The following ACIN1 variants were observed in gnomAD, a reference collection of about 807,000 sequenced individuals.
ACIN1 encodes apoptotic chromatin condensation inducer 1.
Under a neutral mutation model 146.6 loss-of-function variants are expected in ACIN1, and 16 were observed. That is an observed-to-expected ratio of 0.11 (90% CI 0.07 to 0.17). The LOEUF (loss-of-function observed/expected upper bound fraction) is 0.17. ACIN1 is among the 10% of genes least tolerant of loss of function. The pLI is 1.00. For synonymous variants in ACIN1, 569 were observed against 582.7 expected (o/e 0.98, Z 0.34); for missense variants, 1,357 against 1,609.3 (o/e 0.84, Z 2.68).
chr14:23,061,208 G>C (rs1432486040), intron 17 of ACIN1, 24 bp from the exon 18 acceptor site: 4 of 1,613,956 alleles, frequency 2.5e-6, no homozygotes, highest in Non-Finnish European at 3.4e-6. Flanking sequence ...AAGTGAACCA[G>C]ATATGATGCA....
chr14:23,093,587 A>T (rs746668610), intron 1 of ACIN1, 43 bp from the exon 2 acceptor site: 2 of 1,533,958 alleles, frequency 1.3e-6, no homozygotes, highest in South Asian at 2.3e-5. Flanking sequence ...TGAGGAAAAA[A>T]AAGAAAAACA....
rs545966528 is a variant in ACIN1 at position 23,072,840 on chromosome 14, G to A, written c.2124-3223C>T. On this transcript the variant is annotated intron_variant, in intron 8 of 18. Coordinates refer to ENST00000605057, the MANE Select transcript of ACIN1 (RefSeq NM_001386863.1). The stretch of plus-strand genomic sequence containing the variant: ...CTGTCTGCTCAGGGTTAAGAGTGAA[G>A]ACTCTGGAGTCAGACTGGCTAGCCC... 2.4e-4 allele frequency among the ~76,000 whole-genome samples: 37 copies of A among 152,336 alleles called. No individual in the cohort carries two copies. In the South Asian group the frequency reaches 7.0e-3, roughly 29 times the overall value.
At chr14:23,083,963 T>C (rs943469235) in intron 4 of ACIN1, among the ~76,000 whole-genome samples, 1 of 151,940 alleles carries the variant, frequency 6.6e-6, no homozygotes, top group African/African-American at 2.4e-5. Context: ...TTTTTTTTTT[T>C]CTGAGAGAGA....
At chr14:23,078,644 A>T (rs998401990) in intron 7 of ACIN1, among the ~76,000 whole-genome samples, 176 bp downstream of exon 7, 4 of 152,208 alleles carry the variant, frequency 2.6e-5, no homozygotes, top group Non-Finnish European at 4.4e-5. Context: ...GCTCAGCCTC[A>T]TGTAGAACTT....
chr14:23,063,323 T>C, intron 13 of ACIN1, 113 bp downstream of exon 13: 5 of 1,368,528 alleles, frequency 3.7e-6, no homozygotes, highest in Non-Finnish European at 4.9e-6. Context: ...AGATATGATA[T>C]ACGAAAAAAT....
At chr14:23,077,424 T>A (rs199816153) in intron 8 of ACIN1, among the ~76,000 whole-genome samples, 1 of 152,200 alleles carries the variant, frequency 6.6e-6, no homozygotes, top group Non-Finnish European at 1.5e-5. Flanking sequence ...CCAGGAGACT[T>A]TGAAGCCAGG....
chr14:23,069,635 T>TGGGG lies in ACIN1; in HGVS notation c.2124-19_2124-18insCCCC. 1 of 298,362 alleles carries TGGGG rather than the reference T, an allele frequency of 3.4e-6. No homozygotes were observed. The highest frequency in any genetic ancestry group is 5.9e-6 in the Non-Finnish European group (1 of 168,348). 18.5% of individuals were successfully genotyped at this position (298,362 alleles called of 1,614,324 possible). A position where few individuals can be genotyped will look rare whatever the true frequency, so the allele number is the denominator to read the frequency against. ...TCTCCTCACTGACAGGAGGGGGGAG[T>TGGGG]GGTGGTGGGGGGGCGGGCAGAAAAG... On this transcript the variant is annotated intron_variant, in intron 8 of 18. Transcript: ENST00000605057.
chr14:23,089,561 T>C (rs903322259), intron 4 of ACIN1, among the ~76,000 whole-genome samples: 1 of 152,206 alleles, frequency 6.6e-6, no homozygotes, highest in African/African-American at 2.4e-5. Context: ...CTTTACTATA[T>C]TCCTCGTGCC....
chr14:23,071,539 A>G, intron 8 of ACIN1: 1 of 1,551,158 alleles, frequency 6.4e-7, no homozygotes, highest in Non-Finnish European at 8.7e-7. Context: ...TCAGCCGGAG[A>G]CATGCAGGGG....
In ACIN1 at chr14:23,095,127, T is replaced by G. The variant is rs1342728425; in HGVS notation, c.-15A>C. 1.9e-6 allele frequency: 3 copies of G among 1,614,254 alleles called. No homozygotes were observed. The highest frequency in any genetic ancestry group is 1.1e-5 in the South Asian group (1 of 91,086). Reference sequence around the variant, plus strand: ...AGCTCCGCCATCTTGCGTGAGGTACTCGGGTCCGTCCCGACGGCTTCGGGC... The same window carrying G: ...AGCTCCGCCATCTTGCGTGAGGTACGCGGGTCCGTCCCGACGGCTTCGGGC... On this transcript the variant is annotated 5_prime_UTR_variant, in exon 1 of 19. Transcript: ENST00000605057.
intron 8 of ACIN1, chr14:23,071,315 T>C (rs747915373): frequency 2.9e-5 from 43 of 1,506,798 alleles, no homozygotes; most frequent in Admixed American, 2.8e-4. Flanking sequence ...AGAGAGAAAA[T>C]TGAGATGTAG....
At chr14:23,072,509 TG>T (rs1214638825) in intron 8 of ACIN1, among the ~76,000 whole-genome samples, 1 of 152,148 alleles carries the variant, frequency 6.6e-6, no homozygotes, top group Non-Finnish European at 1.5e-5. Context: ...ATATTAATCA[TG>T]GGAATCTTCA....
intron 16 of ACIN1, 79 bp from the exon 17 acceptor site, chr14:23,061,701 C>G: frequency 7.7e-7 from 1 of 1,293,168 alleles, no homozygotes. Flanking sequence ...TGGCCGGGCG[C>G]GGTGGCTCAC....
At chr14:23,079,087 A>T (rs748377681) in intron 6 of ACIN1, 49 bp from the exon 7 acceptor site, 1 of 1,540,548 alleles carries the variant, frequency 6.5e-7, no homozygotes, top group Non-Finnish European at 8.8e-7. Context: ...TATATGGTAT[A>T]TATTCAGTAG....
chr14:23,083,311 C>A (rs148375009), intron 4 of ACIN1, among the ~76,000 whole-genome samples: 163 of 151,988 alleles, frequency 1.1e-3, no homozygotes, highest in African/African-American at 3.6e-3. Flanking sequence ...CTCAAGTAAT[C>A]CTCCCACCCC....
chr14:23,084,666 A>G (rs1468979517), intron 4 of ACIN1, among the ~76,000 whole-genome samples: 1 of 152,056 alleles, frequency 6.6e-6, no homozygotes, highest in Non-Finnish European at 1.5e-5. Context: ...CAATTAGAAG[A>G]CTACACATAT....
chr14:23,094,944 C>G, intron 1 of ACIN1, 31 bp downstream of exon 1: 1 of 1,560,602 alleles, frequency 6.4e-7, no homozygotes, highest in South Asian at 1.2e-5. Flanking sequence ...GTCCGCTCTC[C>G]TCCGACACCC....
intron 3 of ACIN1, 74 bp downstream of exon 3, chr14:23,090,448 T>TA: frequency 1.5e-6 from 2 of 1,311,110 alleles, no homozygotes; most frequent in Middle Eastern, 1.9e-4. Flanking sequence ...ATTGTCTAGT[T>TA]AGACAGGCCT....
Position 23,058,806 on chromosome 14 carries a change from G to GT in ACIN1, c.*341dup, listed in dbSNP as rs1485226305. 5 of 329,714 alleles carry GT rather than the reference G, an allele frequency of 1.5e-5. No homozygotes were observed. Among genetic ancestry groups the GT allele is most frequent in the Admixed American group, 4.3e-5 (1 of 23,422 alleles). 20.4% of individuals were successfully genotyped at this position (329,714 alleles called of 1,614,324 possible). On this transcript the variant is annotated 3_prime_UTR_variant, in exon 19 of 19. Transcript: ENST00000605057. ...CCCCGGCTGTTCCCAAGAGAAGGCT[G>GT]TAAGTACCCAGGGAGGTGGTAAGCA...
Sources: allele counts gnomAD v4.1 joint callset (sites outside exome capture counted in the v4.1 genomes callset), GRCh38; gene constraint gnomAD v4.1.1; transcripts MANE v1.5; gene names NCBI Gene and HGNC (gene_info 2026-07-23, HGNC 2026-07-21).